Variants in ERP44 observed in about 807,000 individuals in gnomAD.
ERP44 encodes the protein endoplasmic reticulum protein 44, also known as endoplasmic reticulum resident protein 44.
In ERP44, 25 loss-of-function variants were observed where a neutral mutation model predicts 53.4. That is an observed-to-expected ratio of 0.47 (90% CI 0.34 to 0.65). The LOEUF (loss-of-function observed/expected upper bound fraction) is 0.65. Among genes scored for constraint, ERP44 ranks in the 30% least tolerant of loss-of-function variants. ERP44 has a pLI of 0.01. For synonymous variants in ERP44, 145 were observed against 161.2 expected (o/e 0.90, Z 0.76); for missense variants, 338 against 493.2 (o/e 0.69, Z 2.98).
At chr9:100,042,073 T>TA (rs1825911071) in intron 4 of ERP44, among the ~76,000 whole-genome samples, 1 of 152,058 alleles carries the variant, frequency 6.6e-6, no homozygotes, top group Non-Finnish European at 1.5e-5. Context: ...CACATCAAGT[T>TA]AAAAAGCTTT....
chr9:99,994,018 A>T (rs1441742040), intron 10 of ERP44, among the ~76,000 whole-genome samples: 2 of 152,108 alleles, frequency 1.3e-5, no homozygotes, highest in East Asian at 3.8e-4. Flanking sequence ...GCTGGAGAGG[A>T]TGTGGAGAAA....
At chr9:100,066,517 A>C (rs1487907469) in intron 1 of ERP44, among the ~76,000 whole-genome samples, 2 of 152,184 alleles carry the variant, frequency 1.3e-5, no homozygotes, top group African/African-American at 4.8e-5. Context: ...TAAATCTTTC[A>C]TTGACTTGCC....
At chr9:100,071,005 T>G (rs1826295787) in intron 1 of ERP44, among the ~76,000 whole-genome samples, 1 of 152,088 alleles carries the variant, frequency 6.6e-6, no homozygotes, top group Admixed American at 6.6e-5. Context: ...ATACTAAACT[T>G]TGGAAATACC....
chr9:99,985,031 T>G lies in ERP44; in HGVS notation c.1055A>C (p.His352Pro). ...GAATTCTCTGTGCAGTTTTCCAGAATGTAAGTCAAATACGAATTGCTTGAG... is the reference window on the plus strand; with the variant it reads ...GAATTCTCTGTGCAGTTTTCCAGAAGGTAAGTCAAATACGAATTGCTTGAG... ...GKLKQFVFDL[H>P]SGKLHREFHH... Residue 352 changes from histidine (H) to proline (P), a missense_variant, in exon 11 of 12, where the codon CAT becomes CCT. His to Pro is a moderately conservative substitution (Grantham distance 77, BLOSUM62 -2). Around this residue, in one of 3 missense-constraint regions of ERP44, gnomAD observed 113 missense variants for 172.6 expected, o/e 0.65. Transcript: ENST00000262455. The G allele has an allele frequency of 6.2e-7, 1 of 1,613,686 alleles. No homozygotes were observed. The highest frequency in any genetic ancestry group is 8.5e-7 in the Non-Finnish European group (1 of 1,179,632).
At chr9:100,034,708 A>G (rs1167257068) in intron 4 of ERP44, among the ~76,000 whole-genome samples, 1 of 152,218 alleles carries the variant, frequency 6.6e-6, no homozygotes, top group Non-Finnish European at 1.5e-5. Flanking sequence ...TCATTTCCAC[A>G]GAATTAGAAA....
chr9:100,036,802 A>G (rs1488363128), intron 4 of ERP44, among the ~76,000 whole-genome samples: 1 of 145,074 alleles, frequency 6.9e-6, no homozygotes, highest in African/African-American at 2.5e-5. Flanking sequence ...GAGCTAAGAG[A>G]GTTGAGCTCA....
At chr9:100,052,673 C>A in intron 3 of ERP44, 141 bp from the exon 4 acceptor site, 1 of 510,518 alleles carries the variant, frequency 2.0e-6, no homozygotes. Context: ...ATCATGGACC[C>A]TGACATCGTT....
chr9:100,052,908 T>G (rs1220874323), intron 3 of ERP44, among the ~76,000 whole-genome samples: 3 of 152,180 alleles, frequency 2.0e-5, no homozygotes, highest in African/African-American at 7.2e-5. Context: ...ATTAGCTTTC[T>G]CTATTTTATT....
intron 8 of ERP44, among the ~76,000 whole-genome samples, chr9:100,011,844 T>C (rs778155468): frequency 4.6e-4 from 70 of 152,296 alleles, no homozygotes; most frequent in Non-Finnish European, 9.7e-4. Flanking sequence ...AGCTGTCATA[T>C]AGAAATAAAG....
chr9:100,069,101 T>C (rs1826270382), intron 1 of ERP44, among the ~76,000 whole-genome samples: 1 of 152,074 alleles, frequency 6.6e-6, no homozygotes, highest in Admixed American at 6.5e-5. Flanking sequence ...AGCATGCTCC[T>C]TAAGAGTCAT....
At chr9:99,992,511 G>T (rs577462152) in intron 10 of ERP44, among the ~76,000 whole-genome samples, 1 of 152,138 alleles carries the variant, frequency 6.6e-6, no homozygotes, top group South Asian at 2.1e-4. Flanking sequence ...TTGATGGAAC[G>T]TATCTCTAAA....
intron 1 of ERP44, among the ~76,000 whole-genome samples, chr9:100,082,391 T>C (rs202119118): frequency 1.3e-4 from 6 of 45,296 alleles, no homozygotes; most frequent in Non-Finnish European, 3.0e-4. Context: ...AAAAATAATA[T>C]ATATATATAT....
chr9:100,093,648 G>T (rs891496230), intron 1 of ERP44, among the ~76,000 whole-genome samples: 3 of 151,646 alleles, frequency 2.0e-5, no homozygotes, highest in Admixed American at 2.0e-4. Flanking sequence ...GTCTGTGGGG[G>T]GGGAAAAAAA....
At chr9:99,997,606 A>G (rs958557395) in intron 10 of ERP44, among the ~76,000 whole-genome samples, 1 of 152,148 alleles carries the variant, frequency 6.6e-6, no homozygotes, top group Non-Finnish European at 1.5e-5. Context: ...CCCGAACAAA[A>G]TTTCTGTTAT....
At chr9:99,989,923 A>T (rs1211949048) in intron 10 of ERP44, among the ~76,000 whole-genome samples, 6 of 152,200 alleles carry the variant, frequency 3.9e-5, no homozygotes, top group Admixed American at 3.9e-4. Flanking sequence ...AAAGGGTATC[A>T]GTGATTGAAG....
intron 1 of ERP44, among the ~76,000 whole-genome samples, chr9:100,061,919 T>G (rs78664561): frequency 1.3e-5 from 2 of 152,168 alleles, no homozygotes; most frequent in African/African-American, 2.4e-5. Flanking sequence ...ACATTGGCAT[T>G]TGAGGAAATA....
In ERP44 at chr9:99,996,958, T is replaced by C. The variant is rs534121995; in HGVS notation, c.1016+9548A>G. Among the ~76,000 whole-genome samples the C allele has an allele frequency of 6.9e-4, 104 of 151,444 alleles. 1 individual carries two copies. The highest frequency in any genetic ancestry group is 2.0e-3 in the Admixed American group (30 of 15,150). On this transcript the variant is annotated intron_variant, in intron 10 of 11. Coordinates refer to ENST00000262455, the MANE Select transcript of ERP44 (RefSeq NM_015051.3). Reference sequence around the variant, plus strand: ...ACACATACATATACACACACACATGTATATGTACACATACACACGTATGTA... The same window carrying C: ...ACACATACATATACACACACACATGCATATGTACACATACACACGTATGTA...
intron 1 of ERP44, among the ~76,000 whole-genome samples, chr9:100,063,128 A>G (rs1190738448): frequency 3.4e-5 from 5 of 147,800 alleles, no homozygotes; most frequent in African/African-American, 5.0e-5. Flanking sequence ...TTACCTTGAA[A>G]TACTTACATG....
chr9:100,010,141 A>C (rs988538860), intron 8 of ERP44, among the ~76,000 whole-genome samples: 3 of 152,220 alleles, frequency 2.0e-5, no homozygotes, highest in Non-Finnish European at 2.9e-5. Flanking sequence ...ATATATCAAT[A>C]AATAAACAAA....
Sources: gnomAD v4.1 joint callset for allele counts (sites outside exome capture counted in the v4.1 genomes callset) on GRCh38, gnomAD v4.1.1 for gene constraint, gnomAD v4.1.1 regional missense constraint, MANE v1.5 for transcripts, NCBI Gene and HGNC (gene_info 2026-07-23, HGNC 2026-07-21) for gene names.